PCDHA5: variants seen among roughly 807,000 people sequenced by gnomAD.
The protein encoded by PCDHA5 is protocadherin alpha-5.
In PCDHA5, 43 loss-of-function variants were observed where a neutral mutation model predicts 61.6. The ratio of observed to expected loss-of-function variants is 0.70; its 90% CI spans 0.55 to 0.90. The LOEUF (loss-of-function observed/expected upper bound fraction) is 0.90. PCDHA5 is among the 40% of genes least tolerant of loss of function. PCDHA5 has a pLI of 0.00. For missense variants in PCDHA5, 1,298 were observed against 1,222.7 expected, an observed-to-expected ratio of 1.06 and a Z score of -0.92; for synonymous variants, 627 against 543.9, an observed-to-expected ratio of 1.15 and a Z score of -2.13.
At chr5:140,904,725 C>A (rs1554191671) in intron 1 of PCDHA5, among the ~76,000 whole-genome samples, 1 of 152,050 alleles carries the variant, frequency 6.6e-6, no homozygotes, top group Non-Finnish European at 1.5e-5. Context: ...TGGCCAACAT[C>A]TATTATTTTT....
rs2150240930 is a variant in PCDHA5 at position 140,835,656 on chromosome 5, G to A, written c.2352+11529G>A. The A allele has an allele frequency of 1.2e-4, 192 of 1,613,824 alleles. 3 individuals carry two copies. Among genetic ancestry groups the A allele is most frequent in the Non-Finnish European group, 1.5e-4 (179 of 1,179,886 alleles). On this transcript the variant is annotated intron_variant, in intron 1 of 3. Coordinates refer to ENST00000529859, the MANE Select transcript of PCDHA5 (RefSeq NM_018908.3). The stretch of plus-strand genomic sequence containing the variant: ...GAGTGTGTCCGCCTATGAGCTGGTG[G>A]TTACCGCGCGGGACGGGGGCTCGCC...
intron 1 of PCDHA5, chr5:140,882,290 G>A: frequency 6.2e-7 from 1 of 1,613,532 alleles, no homozygotes; most frequent in Non-Finnish European, 8.5e-7. Flanking sequence ...CTGGCAAGGA[G>A]GCCCAAGACC....
rs572947059 is a variant in PCDHA5 at position 141,007,735 on chromosome 5, A to G, written c.2501-1892A>G. Reference sequence around the variant, plus strand: ...CCACCAGGGAGAACAAAGGTTAACCACTGAAGATAACTTTGGACTCTTATT... The same window carrying G: ...CCACCAGGGAGAACAAAGGTTAACCGCTGAAGATAACTTTGGACTCTTATT... On this transcript the variant is annotated intron_variant, in intron 3 of 3. Coordinates refer to ENST00000529859, the MANE Select transcript of PCDHA5 (RefSeq NM_018908.3). Among the ~76,000 whole-genome samples, 58 of 152,336 alleles carry G rather than the reference A, an allele frequency of 3.8e-4. 1 individual carries two copies. Among genetic ancestry groups the G allele is most frequent in the South Asian group, 2.9e-3 (14 of 4,824 alleles).
In PCDHA5 at chr5:140,822,727, A is replaced by C. The variant is rs17844292; in HGVS notation, c.952A>C (p.Asn318His). 23 of 1,612,342 alleles carry C rather than the reference A, an allele frequency of 1.4e-5. No homozygotes were observed. In the East Asian group the frequency reaches 4.9e-4, roughly 34 times the overall value. The change falls in exon 1 of 4, where the codon AAT becomes CAT. Residue 318 changes from asparagine to histidine, a missense_variant. Asn to His is a moderately conservative substitution (Grantham distance 68). Transcript: ENST00000529859. ...TGAAGACTATAACTCATATGAAATTAATATTGATGCCATGGATAAAAGTAC... is the reference window on the plus strand; with the variant it reads ...TGAAGACTATAACTCATATGAAATTCATATTGATGCCATGGATAAAAGTAC... ...DYEDYNSYEI[N>H]IDAMDKSTFP...
intron 1 of PCDHA5, chr5:140,884,510 T>G: frequency 6.2e-7 from 1 of 1,613,982 alleles, no homozygotes; most frequent in Non-Finnish European, 8.5e-7. Flanking sequence ...GGCAGGGAGT[T>G]GGTCGTACTC....
chr5:140,969,307 A>C (rs2096316993), intron 1 of PCDHA5: 1 of 1,614,192 alleles, frequency 6.2e-7, no homozygotes, highest in Non-Finnish European at 8.5e-7. Flanking sequence ...TTATTCTCAA[A>C]AATGAGGCTG....
At chr5:140,854,909 G>T (rs1295662316) in intron 1 of PCDHA5, among the ~76,000 whole-genome samples, 1 of 149,376 alleles carries the variant, frequency 6.7e-6, no homozygotes, top group Non-Finnish European at 1.5e-5. Flanking sequence ...AATATAACAG[G>T]GTTGAAAGCA....
chr5:140,879,908 T>G (rs1468115653), intron 1 of PCDHA5, among the ~76,000 whole-genome samples: 2 of 152,218 alleles, frequency 1.3e-5, no homozygotes, highest in Non-Finnish European at 2.9e-5. Context: ...TCTCTCTATG[T>G]GTTGGTTTTA....
At chr5:140,858,018 C>T in intron 1 of PCDHA5, 1 of 1,596,908 alleles carries the variant, frequency 6.3e-7, no homozygotes, top group Non-Finnish European at 8.6e-7. Context: ...GGCGAGCCGT[C>T]GCTGACGGCC....
At chr5:141,009,327 C>A (rs1445732436) in intron 3 of PCDHA5, among the ~76,000 whole-genome samples, 3 of 152,142 alleles carry the variant, frequency 2.0e-5, no homozygotes, top group Non-Finnish European at 2.9e-5. Context: ...GGCATGGGAG[C>A]TTGTGCCTGT....
At chr5:140,851,245 A>G (rs2042003165) in intron 1 of PCDHA5, 2 of 1,104,800 alleles carry the variant, frequency 1.8e-6, no homozygotes, top group Non-Finnish European at 2.3e-6. Flanking sequence ...TTGCTAAATG[A>G]TGCATAGTAT....
chr5:140,997,686 G>T (rs1005092816), intron 3 of PCDHA5, among the ~76,000 whole-genome samples: 1 of 151,980 alleles, frequency 6.6e-6, no homozygotes, highest in Non-Finnish European at 1.5e-5. Flanking sequence ...GTGTGTGTGT[G>T]TGTGTGTGTG....
At chr5:140,909,854 C>T (rs756812618) in intron 1 of PCDHA5, among the ~76,000 whole-genome samples, 8 of 152,186 alleles carry the variant, frequency 5.3e-5, no homozygotes, top group Non-Finnish European at 1.2e-4. Flanking sequence ...CGTTTTCGGT[C>T]CCCTGGAGTC....
intron 1 of PCDHA5, chr5:140,836,643 A>G: frequency 6.2e-7 from 1 of 1,613,476 alleles, no homozygotes; most frequent in Non-Finnish European, 8.5e-7. Flanking sequence ...CTCCCAGCAG[A>G]GGCGGCAGAG....
At chr5:140,967,406 G>A in intron 1 of PCDHA5, 1 of 1,613,006 alleles carries the variant, frequency 6.2e-7, no homozygotes, top group Non-Finnish European at 8.5e-7. Flanking sequence ...GCTGCGTAAG[G>A]GCCTAGACCG....
intron 1 of PCDHA5, chr5:140,850,568 G>T (rs2150489760): frequency 1.3e-6 from 2 of 1,598,448 alleles, no homozygotes; most frequent in South Asian, 2.2e-5. Context: ...GCCCCGAGGT[G>T]ACGCTGGTGG....
rs1415621431 is a variant in PCDHA5, at chr5:140,835,028, C to T, written c.2352+10901C>T. On this transcript the variant is annotated intron_variant, in intron 1 of 3. Transcript: ENST00000529859. The stretch of plus-strand genomic sequence containing the variant: ...AGCTTCATTTATTGCTCACGGCCAC[C>T]GATGGAGGCAAACCCGAGCTGACTG... 1.7e-5 allele frequency: 22 copies of T among 1,326,496 alleles called. No individual in the cohort carries two copies. The African/African-American group carries it at 3.2e-4, about 19-fold the overall frequency. The allele number at this position is 1,326,496 out of a possible 1,614,324, so 82.2% of individuals were successfully genotyped here.
intron 1 of PCDHA5, chr5:140,864,797 G>C (rs868909450): frequency 1.3e-5 from 2 of 152,026 alleles, no homozygotes; most frequent in Non-Finnish European, 2.9e-5. Flanking sequence ...AATATTTTAG[G>C]GTAGGAAAAT....
intron 1 of PCDHA5, among the ~76,000 whole-genome samples, chr5:140,892,256 A>AT (rs1283359328): frequency 6.6e-6 from 1 of 151,996 alleles, no homozygotes; most frequent in Non-Finnish European, 1.5e-5. Context: ...GTTATCTTTG[A>AT]TTTTGTGCTG....
Sources: gnomAD v4.1 joint callset for allele counts (sites outside exome capture counted in the v4.1 genomes callset) on GRCh38, gnomAD v4.1.1 for gene constraint, MANE v1.5 for transcripts, NCBI Gene and HGNC (gene_info 2026-07-23, HGNC 2026-07-21) for gene names.